The following RAB3GAP1 variants were observed in gnomAD, a reference collection of about 807,000 sequenced individuals.
RAB3GAP1 encodes RAB3 GTPase activating protein catalytic subunit 1, also known as rab3 GTPase-activating protein catalytic subunit.
In RAB3GAP1, 86 loss-of-function variants were observed where a neutral mutation model predicts 130.7. The ratio of observed to expected loss-of-function variants is 0.66; its 90% CI spans 0.55 to 0.79. The LOEUF is 0.79. Ranked by LOEUF, RAB3GAP1 falls within the 30% of genes least tolerant of loss-of-function variation. The pLI is 0.00. For missense variants in RAB3GAP1, 1,029 were observed against 1,169.4 expected (o/e 0.88, Z 1.75); for synonymous variants, 367 against 401.7 (o/e 0.91, Z 1.03).
intron 5 of RAB3GAP1, among the ~76,000 whole-genome samples, chr2:135,099,431 C>CTGTGTG (rs141856311): frequency 1.7e-3 from 246 of 142,596 alleles, no homozygotes; most frequent in East Asian, 0.011. Flanking sequence ...ATTTGTATTT[C>CTGTGTG]TGTGTGTGTG....
In RAB3GAP1 at chr2:135,081,380, G is replaced by GTA. The variant is rs1204879279; in HGVS notation, c.151-9608_151-9607dup. ...TATATATACACACACGTGTGTGTGT[G>GTA]TATATATATATGTATATATGTGTGT... On this transcript the variant is annotated intron_variant, in intron 3 of 23. Transcript: ENST00000264158. Among the ~76,000 whole-genome samples, 11 of 108,874 alleles carry GTA rather than the reference G, an allele frequency of 1.0e-4. 1 individual carries two copies. Among genetic ancestry groups the GTA allele is most frequent in the East Asian group, 5.1e-4 (2 of 3,924 alleles). The allele number at this position is 108,874 out of a possible 152,430, so 71.4% of individuals were successfully genotyped here.
At chr2:135,081,414 ATGTGTG>A (rs1237508935) in intron 3 of RAB3GAP1, among the ~76,000 whole-genome samples, 4 of 137,936 alleles carry the variant, frequency 2.9e-5, no homozygotes, top group East Asian at 2.2e-4. Context: ...GTGTATATAT[ATGTGTG>A]TGTGTGTATG....
At chr2:135,093,535 A>G (rs1021380754) in intron 4 of RAB3GAP1, 80 bp from the exon 5 acceptor site, 7 of 1,025,336 alleles carry the variant, frequency 6.8e-6, no homozygotes, top group African/African-American at 4.7e-5. Flanking sequence ...CTAGCAAGAC[A>G]TGTGTTTCCT....
intron 5 of RAB3GAP1, among the ~76,000 whole-genome samples, chr2:135,108,858 T>C (rs983622045): frequency 2.6e-5 from 4 of 152,196 alleles, no homozygotes; most frequent in Non-Finnish European, 5.9e-5. Flanking sequence ...AGTTAGTTTT[T>C]GTGGAGAATG....
At position 135,115,391 on chromosome 2, in the gene RAB3GAP1, G is replaced by A. The variant is rs2104916905; in HGVS notation, c.648+10G>A. 5 of 1,605,560 alleles carry A rather than the reference G, an allele frequency of 3.1e-6. No homozygotes were observed. Among genetic ancestry groups the A allele is most frequent in the Non-Finnish European group, 4.3e-6 (5 of 1,172,742 alleles). On this transcript the variant is annotated intron_variant, in intron 7 of 23. Coordinates refer to ENST00000264158, the MANE Select transcript of RAB3GAP1 (RefSeq NM_012233.3). ...CTTCAAATCAAAGATTGTGAGTTGGGATTGATATTGTCAGTCTTATCTGAG... is the reference window on the plus strand; with the variant it reads ...CTTCAAATCAAAGATTGTGAGTTGGAATTGATATTGTCAGTCTTATCTGAG...
intron 17 of RAB3GAP1, among the ~76,000 whole-genome samples, chr2:135,144,042 C>G (rs902761937): frequency 6.6e-6 from 1 of 152,202 alleles, no homozygotes; most frequent in Non-Finnish European, 1.5e-5. Context: ...GCCCAGGCCT[C>G]ACTCAGCCCT....
intron 13 of RAB3GAP1, 87 bp from the exon 14 acceptor site, chr2:135,132,808 A>G (rs527660986): frequency 8.6e-6 from 7 of 812,476 alleles, no homozygotes; most frequent in African/African-American, 5.0e-5. Flanking sequence ...ACCATTAAAA[A>G]GTTAAATAAT....
At chr2:135,151,715 A>G (rs999558556) in intron 18 of RAB3GAP1, among the ~76,000 whole-genome samples, 3 of 152,236 alleles carry the variant, frequency 2.0e-5, no homozygotes, top group African/African-American at 7.2e-5. Flanking sequence ...GCACATGTCA[A>G]ACCAAAAGGT....
intron 3 of RAB3GAP1, among the ~76,000 whole-genome samples, chr2:135,081,564 T>C (rs1375115340): frequency 6.6e-6 from 1 of 151,416 alleles, no homozygotes; most frequent in Non-Finnish European, 1.5e-5. Context: ...AGACCAGATA[T>C]CTGTTGGAAT....
chr2:135,072,142 C>T (rs1310748080), intron 3 of RAB3GAP1, among the ~76,000 whole-genome samples: 1 of 152,166 alleles, frequency 6.6e-6, no homozygotes, highest in Non-Finnish European at 1.5e-5. Flanking sequence ...AACTCCTGAC[C>T]TCAAGTGATC....
At chr2:135,174,307 A>AC (rs5834439), downstream of RAB3GAP1, among the ~76,000 whole-genome samples, 30,186 of 152,032 alleles carry the variant, frequency 0.2, 4,020 homozygotes, top group African/African-American at 0.35. Context: ...CCACCAGCCC[A>AC]CCACAAGCCC....
intron 17 of RAB3GAP1, among the ~76,000 whole-genome samples, chr2:135,148,495 T>TC (rs1302493421): frequency 6.9e-6 from 1 of 145,694 alleles, no homozygotes; most frequent in East Asian, 2.0e-4. Context: ...GTAATTCTTT[T>TC]TTTTTTTTTT....
chr2:135,093,777 A>G lies in RAB3GAP1; in HGVS notation c.362+84A>G, dbSNP rs189748391. ...TGTCCCCAAGTTCAGTGATTTGCTA[A>G]GAAGACTCAGAGGACTCAGCATTTA... is the stretch of plus-strand genomic sequence containing the variant. On this transcript the variant is annotated intron_variant, in intron 5 of 23. Transcript: ENST00000264158. 3.8e-6 allele frequency: 4 copies of G among 1,064,356 alleles called. No homozygotes were observed. In the Admixed American group the frequency reaches 5.1e-5, roughly 14 times the overall value. 65.9% of individuals were successfully genotyped at this position (1,064,356 alleles called of 1,614,324 possible).
At chr2:135,156,499 A>G (rs527516318) in intron 19 of RAB3GAP1, among the ~76,000 whole-genome samples, 2 of 152,336 alleles carry the variant, frequency 1.3e-5, no homozygotes, top group Non-Finnish European at 2.9e-5. Flanking sequence ...GAGGATGATT[A>G]TTTAGAAGTC....
At chr2:135,112,725 T>C (rs1262939375) in intron 5 of RAB3GAP1, among the ~76,000 whole-genome samples, 1 of 152,162 alleles carries the variant, frequency 6.6e-6, no homozygotes, top group East Asian at 1.9e-4. Flanking sequence ...AGTGGTCTTA[T>C]GAATACACCC....
intron 8 of RAB3GAP1, among the ~76,000 whole-genome samples, chr2:135,121,717 T>A (rs1370188871): frequency 6.6e-6 from 1 of 152,214 alleles, no homozygotes; most frequent in Non-Finnish European, 1.5e-5. Flanking sequence ...TAAACTAATA[T>A]TCTTTACTGT....
At chr2:135,144,326 G>T (rs1257683168) in intron 17 of RAB3GAP1, among the ~76,000 whole-genome samples, 1 of 150,784 alleles carries the variant, frequency 6.6e-6, no homozygotes, top group African/African-American at 2.5e-5. Flanking sequence ...CCTGAAGTCG[G>T]GTGGTTTCTC....
downstream of RAB3GAP1, among the ~76,000 whole-genome samples, chr2:135,172,826 C>T (rs1692894655): frequency 6.6e-6 from 1 of 152,156 alleles, no homozygotes; most frequent in Non-Finnish European, 1.5e-5. Flanking sequence ...CTCACACACC[C>T]TGTGAAGTCC....
At chr2:135,075,047 C>G (rs1689591420) in intron 3 of RAB3GAP1, among the ~76,000 whole-genome samples, 1 of 152,076 alleles carries the variant, frequency 6.6e-6, no homozygotes, top group African/African-American at 2.4e-5. Context: ...ATTTAGTCCT[C>G]AAGTTTTTAA....
Sources: allele counts gnomAD v4.1 joint callset (sites outside exome capture counted in the v4.1 genomes callset), GRCh38; gene constraint gnomAD v4.1.1; transcripts MANE v1.5; gene names NCBI Gene and HGNC (gene_info 2026-07-23, HGNC 2026-07-21).